The following TCF4 variants were observed in gnomAD, a reference collection of about 807,000 sequenced individuals.
The protein encoded by TCF4 is transcription factor 4.
In TCF4, 3 loss-of-function variants were observed where a neutral mutation model predicts 82.1. The ratio of observed to expected loss-of-function variants is 0.04; its 90% CI spans 0.02 to 0.09. TCF4 has a LOEUF of 0.09. Ranked by LOEUF, TCF4 falls within the 10% of genes least tolerant of loss-of-function variation. TCF4 has a pLI of 1.00. For missense variants in TCF4, 518 were observed against 852.7 expected, an observed-to-expected ratio of 0.61 and a Z score of 4.89; for synonymous variants, 276 against 309.6, an observed-to-expected ratio of 0.89 and a Z score of 1.14.
chr18:55,509,731 A>G (rs188948549), intron 3 of TCF4, among the ~76,000 whole-genome samples: 32 of 152,280 alleles, frequency 2.1e-4, no homozygotes, highest in Admixed American at 1.9e-3. Context: ...AAGCACCTTT[A>G]GACCCTCAAA....
At chr18:55,623,193 A>T (rs1198473626) in intron 2 of TCF4, among the ~76,000 whole-genome samples, 1 of 152,184 alleles carries the variant, frequency 6.6e-6, no homozygotes, top group Non-Finnish European at 1.5e-5. Context: ...GATTATAATA[A>T]TGTGTGGTCA....
chr18:55,468,854 T>G (rs2145099292), intron 3 of TCF4, among the ~76,000 whole-genome samples: 1 of 149,232 alleles, frequency 6.7e-6, no homozygotes, highest in Middle Eastern at 3.4e-3. Context: ...CTGCCTGGGA[T>G]GAAGCTGCTG....
chr18:55,607,332 T>G (rs1050664235), intron 2 of TCF4, among the ~76,000 whole-genome samples: 1 of 152,212 alleles, frequency 6.6e-6, no homozygotes, highest in Non-Finnish European at 1.5e-5. Flanking sequence ...TCAATTGAAT[T>G]TGATGCTGAA....
intron 5 of TCF4, among the ~76,000 whole-genome samples, chr18:55,424,142 G>T (rs1055840893): frequency 6.6e-6 from 1 of 152,046 alleles, no homozygotes; most frequent in African/African-American, 2.4e-5. Context: ...TTGCCTGTGA[G>T]GAAAAAAGAT....
At chr18:55,404,054 A>G in intron 5 of TCF4, 11 of 1,115,622 alleles carry the variant, frequency 9.9e-6, no homozygotes, top group Non-Finnish European at 1.2e-5. Flanking sequence ...CATCATGATC[A>G]AGATGATGAT....
chr18:55,530,564 G>GGC (rs1555729321), intron 3 of TCF4, among the ~76,000 whole-genome samples: 2 of 149,406 alleles, frequency 1.3e-5, no homozygotes, highest in South Asian at 4.4e-4. Context: ...CCTGAAAAGG[G>GGC]GGGGGGAAAC....
At chr18:55,256,108 T>C (rs1207684758) in intron 14 of TCF4, among the ~76,000 whole-genome samples, 1 of 152,150 alleles carries the variant, frequency 6.6e-6, no homozygotes, top group Non-Finnish European at 1.5e-5. Context: ...ACATACTTAC[T>C]TCTGAGTGTA....
chr18:55,621,616 TA>T (rs1275037228), intron 2 of TCF4, among the ~76,000 whole-genome samples: 1 of 83,534 alleles, frequency 1.2e-5, no homozygotes, highest in African/African-American at 4.9e-5. Flanking sequence ...CATTATATAA[TA>T]TTATATATAA....
At chr18:55,229,222 G>A (rs1365231440) in intron 17 of TCF4, 146 bp from the exon 18 acceptor site, 2 of 867,776 alleles carry the variant, frequency 2.3e-6, no homozygotes, top group Non-Finnish European at 1.9e-6. Context: ...ACTTGACCTT[G>A]GGATTGGTTT....
intron 5 of TCF4, among the ~76,000 whole-genome samples, chr18:55,445,898 C>T (rs1000493013): frequency 6.6e-6 from 1 of 152,174 alleles, no homozygotes; most frequent in Non-Finnish European, 1.5e-5. Flanking sequence ...CATACAATAG[C>T]CATTCCTAAC....
chr18:55,236,681 CAA>C (rs1478839431), intron 15 of TCF4, among the ~76,000 whole-genome samples: 17 of 152,168 alleles, frequency 1.1e-4, no homozygotes, highest in African/African-American at 4.1e-4. Context: ...CGGATTCAAT[CAA>C]TGATTATCCT....
intron 2 of TCF4, among the ~76,000 whole-genome samples, chr18:55,601,668 C>CA (rs1437425284): frequency 6.6e-6 from 1 of 152,040 alleles, no homozygotes; most frequent in East Asian, 1.9e-4. Context: ...CCTGTAATCC[C>CA]AACTACTTGG....
chr18:55,515,356 T>C (rs1195304476), intron 3 of TCF4, among the ~76,000 whole-genome samples: 1 of 152,218 alleles, frequency 6.6e-6, no homozygotes, highest in African/African-American at 2.4e-5. Flanking sequence ...GTCACTGAAC[T>C]ACGTGCAGAC....
At chr18:55,602,834 G>A (rs1012281438) in intron 2 of TCF4, among the ~76,000 whole-genome samples, 6 of 152,028 alleles carry the variant, frequency 3.9e-5, no homozygotes, top group African/African-American at 1.4e-4. Context: ...GCAAAGAGGT[G>A]GAAATTATGC....
intron 6 of TCF4, among the ~76,000 whole-genome samples, chr18:55,395,817 G>A (rs983951677): frequency 4.6e-5 from 7 of 152,222 alleles, no homozygotes; most frequent in African/African-American, 1.7e-4. Context: ...TTGCTAAAAT[G>A]TGAATTGGCA....
chr18:55,257,900 G>A (rs1167736007), intron 13 of TCF4, among the ~76,000 whole-genome samples: 4 of 152,118 alleles, frequency 2.6e-5, no homozygotes, highest in African/African-American at 7.2e-5. Flanking sequence ...GAAATTTAAA[G>A]TCAATATACA....
intron 6 of TCF4, among the ~76,000 whole-genome samples, chr18:55,386,542 T>C (rs1159958484): frequency 6.6e-6 from 1 of 152,234 alleles, no homozygotes; most frequent in Admixed American, 6.5e-5. Flanking sequence ...AGTACTAGTT[T>C]ATTGACTACA....
intron 8 of TCF4, among the ~76,000 whole-genome samples, chr18:55,283,916 T>C (rs755567961): frequency 1.3e-5 from 2 of 152,212 alleles, no homozygotes; most frequent in Non-Finnish European, 2.9e-5. Context: ...AAGCTGTCTT[T>C]CCAGGTTGCA....
chr18:55,601,813 A>T (rs975873667), intron 2 of TCF4, among the ~76,000 whole-genome samples: 1 of 152,190 alleles, frequency 6.6e-6, no homozygotes, highest in Non-Finnish European at 1.5e-5. Flanking sequence ...GTCGGCTTCA[A>T]GGTGACAAGT....
Sources: allele counts gnomAD v4.1 joint callset (sites outside exome capture counted in the v4.1 genomes callset), GRCh38; gene constraint gnomAD v4.1.1; transcripts MANE v1.5; gene names NCBI Gene and HGNC (gene_info 2026-07-23, HGNC 2026-07-21).